The following UEVLD variants were observed in gnomAD, a reference collection of about 807,000 sequenced individuals.
The protein encoded by UEVLD is UEV and lactate/malate dehyrogenase domains.
Under a neutral mutation model 58.6 loss-of-function variants are expected in UEVLD, and 47 were observed. The observed-to-expected ratio is 0.80, with a 90% CI of 0.63 to 1.02. UEVLD has a LOEUF of 1.02. Ranked by LOEUF, UEVLD falls within the 50% of genes least tolerant of loss-of-function variation. The pLI is 0.00. For missense variants in UEVLD, 510 were observed against 550.6 expected, an observed-to-expected ratio of 0.93 and a Z score of 0.74; for synonymous variants, 197 against 195.3, an observed-to-expected ratio of 1.01 and a Z score of -0.07.
intron 6 of UEVLD, chr11:18,564,022 AAAG>A (rs1328494367): frequency 2.8e-5 from 10 of 351,534 alleles, no homozygotes; most frequent in East Asian, 7.8e-5. Context: ...AAAAAAAAAA[AAAG>A]AGGTGATAGT....
chr11:18,573,475 T>G (rs541875881), intron 3 of UEVLD, among the ~76,000 whole-genome samples: 1 of 152,000 alleles, frequency 6.6e-6, no homozygotes, highest in East Asian at 1.9e-4. Flanking sequence ...CAGGTCTGAG[T>G]AAAATTCTCT....
At chr11:18,554,392 A>AC (rs1851664333) in intron 7 of UEVLD, among the ~76,000 whole-genome samples, 4 of 107,546 alleles carry the variant, frequency 3.7e-5, no homozygotes, top group African/African-American at 1.5e-4. Context: ...GTGCCTGGCC[A>AC]TTTTTTTTTT....
chr11:18,573,962 C>A (rs747479234), intron 3 of UEVLD, among the ~76,000 whole-genome samples: 2 of 96,892 alleles, frequency 2.1e-5, no homozygotes, highest in African/African-American at 8.2e-5. Flanking sequence ...TCTTTCTCAG[C>A]CCCCCTTTCA....
chr11:18,540,978 T>C (rs2133965331), intron 9 of UEVLD, among the ~76,000 whole-genome samples: 1 of 152,360 alleles, frequency 6.6e-6, no homozygotes, highest in East Asian at 1.9e-4. Flanking sequence ...TAAAAGGTCA[T>C]TTAATCAAAT....
intron 1 of UEVLD, among the ~76,000 whole-genome samples, chr11:18,582,904 G>GT (rs1283293240): frequency 6.6e-6 from 1 of 152,128 alleles, no homozygotes; most frequent in Non-Finnish European, 1.5e-5. Context: ...GCACTACAGT[G>GT]TATTTATTCA....
chr11:18,577,728 C>T (rs182381480), intron 2 of UEVLD, among the ~76,000 whole-genome samples: 10 of 151,958 alleles, frequency 6.6e-5, no homozygotes, highest in Non-Finnish European at 1.3e-4. Flanking sequence ...GAAAATTAGC[C>T]GGGCATGGTG....
At chr11:18,580,294 G>C (rs924662977) in intron 1 of UEVLD, among the ~76,000 whole-genome samples, 5 of 152,100 alleles carry the variant, frequency 3.3e-5, no homozygotes, top group Non-Finnish European at 7.4e-5. Context: ...CAGCCTGGTA[G>C]TTCTTCAAAA....
rs1391395800 is a variant in UEVLD, at chr11:18,546,918, T to G, written c.848A>C (p.Tyr283Ser). The G allele has an allele frequency of 6.2e-7, 1 of 1,613,914 alleles. No homozygotes were observed. The highest frequency in any genetic ancestry group is 8.5e-7 in the Non-Finnish European group (1 of 1,179,980). Residue 283 changes from tyrosine to serine, a missense_variant, in exon 8 of 12, where the codon TAT becomes TCT. Coordinates refer to ENST00000396197, the MANE Select transcript of UEVLD (RefSeq NM_001040697.4). Reference protein sequence around the residue: ...FRALVPALGHYSQHSVLLVAS... With the variant: ...FRALVPALGHSSQHSVLLVAS... ...AACGAGCAGGACACTGTGTTGACTATAATGTCCCAGAGCTGGGACAAGGGC... is the reference window on the plus strand; with the variant it reads ...AACGAGCAGGACACTGTGTTGACTAGAATGTCCCAGAGCTGGGACAAGGGC...
chr11:18,532,463 C>CT lies in UEVLD; in HGVS notation c.1272dup (p.Val425SerfsTer16). The CT allele has an allele frequency of 6.2e-7, 1 of 1,611,548 alleles. No homozygotes were observed. Among genetic ancestry groups the CT allele is most frequent in the East Asian group, 2.2e-5 (1 of 44,724 alleles). ...AGGATGCAAGGCAAACTTAAAAACA[C>CT]TTCACTATTTATATCATAATATCCC... is the stretch of plus-strand genomic sequence containing the variant. On this transcript the variant is annotated frameshift_variant, in exon 12 of 12. Transcript: ENST00000396197. LOFTEE classifies it high-confidence loss of function.
chr11:18,579,619 C>A (rs1041257153), intron 1 of UEVLD: 2 of 324,224 alleles, frequency 6.2e-6, no homozygotes. Context: ...GTGTGAACTG[C>A]CTCTTCATTT....
intron 3 of UEVLD, among the ~76,000 whole-genome samples, chr11:18,574,121 G>C (rs942661273): frequency 2.0e-5 from 3 of 152,090 alleles, no homozygotes; most frequent in Admixed American, 6.6e-5. Context: ...TATTTGTCCT[G>C]GGATTATTTG....
At chr11:18,544,891 G>T in intron 8 of UEVLD, 95 bp from the exon 9 acceptor site, 2 of 848,648 alleles carry the variant, frequency 2.4e-6, no homozygotes, top group Non-Finnish European at 3.3e-6. Context: ...AAGTATATTA[G>T]GTCCTCAATG....
At position 18,573,468 on chromosome 11, in the gene UEVLD, G is replaced by C. The variant is rs189987643; in HGVS notation, c.193+1879C>G. Among the ~76,000 whole-genome samples, 134 of 152,118 alleles carry C rather than the reference G, an allele frequency of 8.8e-4. 1 individual carries two copies. The highest frequency in any genetic ancestry group is 3.2e-3 in the African/African-American group (132 of 41,510). ...TCAGAATACAACTTAAGGGGAACAG[G>C]TCTGAGTAAAATTCTCTACACAGCC... On this transcript the variant is annotated intron_variant, in intron 3 of 11. Coordinates refer to ENST00000396197, the MANE Select transcript of UEVLD (RefSeq NM_001040697.4).
chr11:18,583,781 C>A (rs1853395201), intron 1 of UEVLD, among the ~76,000 whole-genome samples: 1 of 151,280 alleles, frequency 6.6e-6, no homozygotes, highest in Non-Finnish European at 1.5e-5. Flanking sequence ...CCTGCCTCAG[C>A]CTCTCGAGTA....
intron 3 of UEVLD, among the ~76,000 whole-genome samples, chr11:18,573,911 A>C (rs1459887475): frequency 2.6e-5 from 4 of 152,168 alleles, no homozygotes; most frequent in Non-Finnish European, 5.9e-5. Context: ...TCTTTTTAAG[A>C]GATCAAAGTT....
intron 4 of UEVLD, 26 bp downstream of exon 4, chr11:18,570,188 C>T: frequency 2.0e-6 from 3 of 1,524,988 alleles, no homozygotes; most frequent in Non-Finnish European, 1.8e-6. Flanking sequence ...AAAAAGCTTT[C>T]TGTAGAAAAT....
intron 6 of UEVLD, among the ~76,000 whole-genome samples, 179 bp downstream of exon 6, chr11:18,564,709 CTAAT>C (rs1852211872): frequency 6.6e-6 from 1 of 152,154 alleles, no homozygotes; most frequent in Non-Finnish European, 1.5e-5. Context: ...TTTAAACCTA[CTAAT>C]TAAAAGGCAA....
At chr11:18,579,457 T>A (rs938468344) in intron 1 of UEVLD, 23 of 985,330 alleles carry the variant, frequency 2.3e-5, no homozygotes, top group Non-Finnish European at 2.8e-5. Context: ...TGAGGCAGAA[T>A]GGATCACCCC....
At chr11:18,582,920 C>T (rs1853318696) in intron 1 of UEVLD, among the ~76,000 whole-genome samples, 2 of 152,044 alleles carry the variant, frequency 1.3e-5, no homozygotes, top group African/African-American at 4.8e-5. Context: ...ATTCAGAAGA[C>T]TGATATTTCT....
Sources: gnomAD v4.1 joint callset for allele counts (sites outside exome capture counted in the v4.1 genomes callset) on GRCh38, gnomAD v4.1.1 for gene constraint, MANE v1.5 for transcripts, NCBI Gene and HGNC (gene_info 2026-07-23, HGNC 2026-07-21) for gene names.